NRDC: variants seen among roughly 807,000 people sequenced by gnomAD.
NRDC encodes the protein nardilysin.
In NRDC, 54 loss-of-function variants were observed where a neutral mutation model predicts 147.1. The observed-to-expected ratio is 0.37, with a 90% CI of 0.29 to 0.46. The LOEUF is 0.46. Among genes scored for constraint, NRDC ranks in the 20% least tolerant of loss-of-function variants. NRDC has a pLI of 1.00. For missense variants in NRDC, 1,082 were observed against 1,370.6 expected (o/e 0.79, Z 3.33); for synonymous variants, 440 against 482.1 (o/e 0.91, Z 1.14).
rs746649756 is a variant in NRDC, at chr1:51,791,667, AG to A, written c.2877-7del. 5 of 1,610,352 alleles carry A rather than the reference AG, an allele frequency of 3.1e-6. No homozygotes were observed. The highest frequency in any genetic ancestry group is 1.3e-5 in the African/African-American group (1 of 74,996). ...AGGTAGGGTAGACATGGTACCTACA[AG>A]CCAGAGAGAAAAGTTATATGAGCTC... is the stretch of plus-strand genomic sequence containing the variant. On this transcript the variant is annotated splice_polypyrimidine_tract_variant and splice_region_variant and intron_variant, in intron 26 of 30. Transcript: ENST00000352171.
At chr1:51,810,474 A>G in intron 15 of NRDC, 70 bp from the exon 16 acceptor site, 7 of 1,391,222 alleles carry the variant, frequency 5.0e-6, no homozygotes, top group Non-Finnish European at 5.9e-6. Flanking sequence ...TAAAAAGGCA[A>G]AAATCACATT....
At chr1:51,837,478 G>A in intron 2 of NRDC, 3 of 1,573,794 alleles carry the variant, frequency 1.9e-6, no homozygotes, top group Non-Finnish European at 2.6e-6. Flanking sequence ...GTTTTAATAG[G>A]TGCCTAACCT....
chr1:51,837,609 G>A (rs1571885982), intron 2 of NRDC: 3 of 1,528,624 alleles, frequency 2.0e-6, no homozygotes, highest in African/African-American at 2.7e-5. Context: ...GCAAAAACAG[G>A]CTCTGCAATT....
At chr1:51,816,143 T>C (rs1679957819) in intron 11 of NRDC, 169 bp downstream of exon 11, 1 of 371,074 alleles carries the variant, frequency 2.7e-6, no homozygotes, top group South Asian at 1.2e-4. Flanking sequence ...TACACAAATA[T>C]AATATGGCCA....
At chr1:51,839,403 GA>G (rs1681152974) in intron 2 of NRDC, among the ~76,000 whole-genome samples, 1 of 151,938 alleles carries the variant, frequency 6.6e-6, no homozygotes, top group African/African-American at 2.4e-5. Context: ...GGACTCAAGT[GA>G]TCTGCCCATC....
At chr1:51,847,471 G>C (rs796205296) in intron 1 of NRDC, among the ~76,000 whole-genome samples, 131 of 152,354 alleles carry the variant, frequency 8.6e-4, no homozygotes, top group African/African-American at 3.1e-3. Context: ...AGGAGACCAC[G>C]GCGGGGTGGG....
intron 17 of NRDC, among the ~76,000 whole-genome samples, chr1:51,808,801 A>C (rs1262037359): frequency 6.6e-6 from 1 of 152,244 alleles, no homozygotes; most frequent in Admixed American, 6.5e-5. Context: ...GTAGACAGGC[A>C]GATATCTGAA....
rs555608780 is a variant in NRDC at position 51,861,496 on chromosome 1, T to A, written c.341+16779A>T. ...AGGTGCATGCCATGAGGCCTGGCTT[T>A]TTATTATTATTATTATTTTTTTTTA... On this transcript the variant is annotated intron_variant, in intron 1 of 30. Coordinates refer to ENST00000352171, the MANE Select transcript of NRDC (RefSeq NM_001101662.2). 1.4e-3 allele frequency among the ~76,000 whole-genome samples: 204 copies of A among 147,136 alleles called. 2 individuals are homozygous for A. The highest frequency in any genetic ancestry group is 5.1e-3 in the African/African-American group (197 of 38,280).
intron 4 of NRDC, among the ~76,000 whole-genome samples, chr1:51,829,466 TC>T (rs1680605910): frequency 6.6e-6 from 1 of 152,206 alleles, no homozygotes; most frequent in East Asian, 1.9e-4. Flanking sequence ...TAACTCATCT[TC>T]CTTTGAAGAA....
At chr1:51,871,218 G>A (rs753842913) in intron 1 of NRDC, among the ~76,000 whole-genome samples, 3 of 152,118 alleles carry the variant, frequency 2.0e-5, no homozygotes, top group Non-Finnish European at 4.4e-5. Flanking sequence ...TTTGGAGGCT[G>A]AGGCACGAGA....
chr1:51,814,641 A>G (rs1186479217), intron 12 of NRDC, 32 bp from the exon 13 acceptor site: 2 of 1,609,244 alleles, frequency 1.2e-6, no homozygotes. Context: ...AGTCTTTTGC[A>G]TAAAGTGATA....
In NRDC at chr1:51,878,716, G is replaced by C; in HGVS notation, c.-101C>G. ...CGGCCCTGGTGCTGCCGCAGCCGCGGGGAACAGGCCTGAACCCCTCCCCCA... is the reference window on the plus strand; with the variant it reads ...CGGCCCTGGTGCTGCCGCAGCCGCGCGGAACAGGCCTGAACCCCTCCCCCA... On this transcript the variant is annotated 5_prime_UTR_variant, in exon 1 of 31. Coordinates refer to ENST00000352171, the MANE Select transcript of NRDC (RefSeq NM_001101662.2). The C allele has an allele frequency of 9.3e-7, 1 of 1,077,512 alleles. No individual in the cohort carries two copies. Among genetic ancestry groups the C allele is most frequent in the Non-Finnish European group, 1.3e-6 (1 of 743,470 alleles). 66.7% of individuals were successfully genotyped at this position (1,077,512 alleles called of 1,614,324 possible).
intron 1 of NRDC, among the ~76,000 whole-genome samples, chr1:51,857,084 T>A (rs1398447296): frequency 6.6e-6 from 1 of 152,154 alleles, no homozygotes; most frequent in Non-Finnish European, 1.5e-5. Context: ...AACCAATATA[T>A]ATAACATCTG....
intron 9 of NRDC, 48 bp from the exon 10 acceptor site, chr1:51,818,183 G>A (rs1680056985): frequency 4.9e-6 from 6 of 1,214,894 alleles, no homozygotes; most frequent in Non-Finnish European, 7.0e-6. Flanking sequence ...GTTTCTCTAT[G>A]ACTTTTACTA....
At chr1:51,794,789 C>A (rs549214504) in intron 23 of NRDC, 34 bp downstream of exon 23, 2 of 1,612,598 alleles carry the variant, frequency 1.2e-6, no homozygotes, top group South Asian at 2.2e-5. Flanking sequence ...CTGGTAAGAA[C>A]ACATAACCCC....
At chr1:51,809,482 G>T in intron 16 of NRDC, 81 bp from the exon 17 acceptor site, 1 of 922,774 alleles carries the variant, frequency 1.1e-6, no homozygotes, top group South Asian at 1.3e-5. Flanking sequence ...TTATCAACTG[G>T]CTTACAAATC....
intron 4 of NRDC, among the ~76,000 whole-genome samples, chr1:51,828,241 T>G (rs1456664477): frequency 6.6e-6 from 1 of 152,248 alleles, no homozygotes; most frequent in Admixed American, 6.5e-5. Flanking sequence ...CTTTATAGTT[T>G]TATTACCTAT....
At chr1:51,828,591 C>T (rs1313840549) in intron 4 of NRDC, among the ~76,000 whole-genome samples, 3 of 151,712 alleles carry the variant, frequency 2.0e-5, no homozygotes, top group Non-Finnish European at 4.4e-5. Flanking sequence ...ATACAAATTA[C>T]CACTTATATA....
At chr1:51,840,045 C>A in intron 2 of NRDC, 181 bp downstream of exon 2, 1 of 508,396 alleles carries the variant, frequency 2.0e-6, no homozygotes, top group Non-Finnish European at 3.5e-6. Flanking sequence ...ATATAATGAG[C>A]ATTTACTACT....
Sources: gnomAD v4.1 joint callset for allele counts (sites outside exome capture counted in the v4.1 genomes callset) on GRCh38, gnomAD v4.1.1 for gene constraint, MANE v1.5 for transcripts, NCBI Gene and HGNC (gene_info 2026-07-23, HGNC 2026-07-21) for gene names.